Variants in TACC1 observed in about 807,000 individuals in gnomAD.
TACC1 encodes the protein transforming acidic coiled-coil containing protein 1.
TACC1 carries 48 observed loss-of-function variants against 84.4 expected under a neutral mutation model. The observed-to-expected ratio is 0.57, with a 90% CI of 0.45 to 0.72. The LOEUF is 0.72. Among genes scored for constraint, TACC1 ranks in the 30% least tolerant of loss-of-function variants. The pLI, the probability that TACC1 is intolerant of heterozygous loss-of-function variation, is 0.00. For missense variants in TACC1, 920 were observed against 973.0 expected, an observed-to-expected ratio of 0.95 and a Z score of 0.72; for synonymous variants, 372 against 376.3, an observed-to-expected ratio of 0.99 and a Z score of 0.13.
At chr8:38,794,462 C>T (rs986097605) in intron 2 of TACC1, among the ~76,000 whole-genome samples, 11 of 151,968 alleles carry the variant, frequency 7.2e-5, no homozygotes, top group African/African-American at 1.5e-4. Context: ...AATGTAACTT[C>T]GGGTGTATGA....
chr8:38,744,415 C>T (rs1439210162), intron 2 of TACC1, among the ~76,000 whole-genome samples: 1 of 151,962 alleles, frequency 6.6e-6, no homozygotes, highest in Non-Finnish European at 1.5e-5. Context: ...CGCACCGAGC[C>T]TGACACTTCT....
chr8:38,760,753 C>T (rs1438419082), intron 3 of TACC1, among the ~76,000 whole-genome samples: 3 of 152,120 alleles, frequency 2.0e-5, no homozygotes, highest in African/African-American at 7.2e-5. Context: ...AACTCCTGAC[C>T]TCAAATGATC....
At chr8:38,824,708 C>T (rs1021748297) in intron 3 of TACC1, 1 of 152,832 alleles carries the variant, frequency 6.5e-6, no homozygotes, top group African/African-American at 2.4e-5. Flanking sequence ...TCCCCAGTTT[C>T]AGGCTTTGTG....
intron 9 of TACC1, 91 bp downstream of exon 9, chr8:38,840,358 A>G: frequency 8.4e-7 from 1 of 1,196,828 alleles, no homozygotes; most frequent in East Asian, 2.4e-5. Context: ...TAAGCTAGGT[A>G]GCTTATAAAC....
chr8:38,753,905 TTTTC>T lies in TACC1; in HGVS notation c.26+8435_26+8438del, dbSNP rs9298641. Reference sequence around the variant, plus strand: ...AGGCTTCACTCTTTCCTCTTTTTCTTTTTCTTTCTTTCTTTCTTTCTTTCTTCTT... The same window carrying T: ...AGGCTTCACTCTTTCCTCTTTTTCTTTTTCTTTCTTTCTTTCTTTCTTCTT... On this transcript the variant is annotated intron_variant, in intron 3 of 14. Transcript: ENST00000518415. Among the ~76,000 whole-genome samples the T allele has an allele frequency of 2.9e-3, 360 of 124,600 alleles. 9 individuals carry two copies. The highest frequency in any genetic ancestry group is 4.7e-3 in the Non-Finnish European group (271 of 57,504). 81.7% of individuals were successfully genotyped at this position (124,600 alleles called of 152,430 possible).
rs1832722393 is a variant in TACC1, at chr8:38,848,743, G to C, written c.*720G>C. ...TTTTCATATCTGGAGAAGACTATTTGCCATGACGTTTTGTTGCCCTGGTAT... is the reference window on the plus strand; with the variant it reads ...TTTTCATATCTGGAGAAGACTATTTCCCATGACGTTTTGTTGCCCTGGTAT... On this transcript the variant is annotated 3_prime_UTR_variant, in exon 13 of 13. Transcript: ENST00000317827. 6.6e-6 allele frequency: 1 copy of C among 152,326 alleles called. No individual in the cohort carries two copies. The highest frequency in any genetic ancestry group is 1.5e-5 in the Non-Finnish European group (1 of 68,058). 9.4% of individuals were successfully genotyped at this position (152,326 alleles called of 1,614,324 possible).
At chr8:38,779,904 G>A (rs893618542) in intron 3 of TACC1, among the ~76,000 whole-genome samples, 3 of 152,202 alleles carry the variant, frequency 2.0e-5, no homozygotes, top group Admixed American at 2.0e-4. Flanking sequence ...AAAGTGTAGT[G>A]TCTAACACAT....
At chr8:38,782,688 T>C (rs1178985842), upstream of TACC1, among the ~76,000 whole-genome samples, 1 of 152,208 alleles carries the variant, frequency 6.6e-6, no homozygotes, top group Non-Finnish European at 1.5e-5. Context: ...GTAAATACAA[T>C]AGTGTTGTTT....
chr8:38,825,970 T>C (rs560163375), intron 4 of TACC1, among the ~76,000 whole-genome samples: 1 of 152,356 alleles, frequency 6.6e-6, no homozygotes, highest in Non-Finnish European at 1.5e-5. Flanking sequence ...TGACCTTTGT[T>C]ACATTCTAGC....
intron 8 of TACC1, 144 bp from the exon 9 acceptor site, chr8:38,840,079 AG>A (rs758010266): frequency 2.1e-4 from 67 of 316,712 alleles, no homozygotes; most frequent in African/African-American, 5.7e-4. Flanking sequence ...AAAAAAAAAA[AG>A]ATAACGAGAG....
upstream of TACC1, chr8:38,785,574 C>A: frequency 2.1e-6 from 1 of 473,008 alleles, no homozygotes; most frequent in Non-Finnish European, 2.8e-6. Flanking sequence ...TCAGTCACCA[C>A]AGGGATGCAA....
chr8:38,787,204 A>G (rs1230816663), upstream of TACC1: 2 of 989,974 alleles, frequency 2.0e-6, no homozygotes, highest in Non-Finnish European at 2.4e-6. Flanking sequence ...CTCCGGCGGC[A>G]GCTGATGCGC....
chr8:38,787,580 C>T lies in TACC1; in HGVS notation c.-3C>T, dbSNP rs1474692003. On this transcript the variant is annotated 5_prime_UTR_variant, in exon 1 of 13. Coordinates refer to ENST00000317827, the MANE Select transcript of TACC1 (RefSeq NM_006283.3). ...AGGAGCTGGAGCCGGAGGAGCCGCG[C>T]TCATGGCGTTCAGCCCGTGGCAGAT... 4 of 1,539,416 alleles carry T rather than the reference C, an allele frequency of 2.6e-6. No homozygotes were observed. In the South Asian group the frequency reaches 3.6e-5, roughly 14 times the overall value.
chr8:38,843,579 T>G (rs1475617094), intron 11 of TACC1, 184 bp downstream of exon 11: 3 of 369,754 alleles, frequency 8.1e-6, no homozygotes, highest in Non-Finnish European at 1.5e-5. Context: ...TGCTCCTGCC[T>G]CCTTCCACTG....
At chr8:38,755,887 T>A (rs1482414403) in intron 3 of TACC1, among the ~76,000 whole-genome samples, 1 of 151,908 alleles carries the variant, frequency 6.6e-6, no homozygotes, top group Non-Finnish European at 1.5e-5. Context: ...CGATCTCGGC[T>A]CACTGCAACC....
At position 38,849,616 on chromosome 8, in the gene TACC1, T is replaced by G. The variant is rs1041796513; in HGVS notation, c.*1593T>G. On this transcript the variant is annotated 3_prime_UTR_variant, in exon 13 of 13. Coordinates refer to ENST00000317827, the MANE Select transcript of TACC1 (RefSeq NM_006283.3). ...AAATGAATTATTCTTTAGCAGTGTATTACTCACATGGGTGCAATCTTTAGC... is the reference window on the plus strand; with the variant it reads ...AAATGAATTATTCTTTAGCAGTGTAGTACTCACATGGGTGCAATCTTTAGC... The G allele has an allele frequency of 6.6e-6, 1 of 152,342 alleles. No individual in the cohort carries two copies. The highest frequency in any genetic ancestry group is 1.5e-5 in the Non-Finnish European group (1 of 68,042). 9.4% of individuals were successfully genotyped at this position (152,342 alleles called of 1,614,324 possible).
At position 38,788,782 on chromosome 8, in the gene TACC1, A is replaced by G. The variant is rs1817937470; in HGVS notation, c.240A>G (p.Pro80=). Residue 80 remains proline, a synonymous_variant, in exon 2 of 13, where the codon CCA becomes CCG. Coordinates refer to ENST00000317827, the MANE Select transcript of TACC1 (RefSeq NM_006283.3). ...IRSPFKESCD[P]SLGLAGPGAK... is the part of the protein sequence containing the mutation. The stretch of plus-strand genomic sequence containing the variant: ...CACCTTTCAAGGAGTCCTGTGATCC[A>G]TCACTCGGATTGGCAGGACCTGGGG... 3 of 1,613,590 alleles carry G rather than the reference A, an allele frequency of 1.9e-6. No homozygotes were observed. Among genetic ancestry groups the G allele is most frequent in the African/African-American group, 2.7e-5 (2 of 74,922 alleles).
rs756859243 is a variant in TACC1 at position 38,827,350 on chromosome 8, T to C, written c.1635T>C (p.Asn545=). The change falls in exon 5 of 13, where the codon AAT becomes AAC. Residue 545 remains asparagine (N), a synonymous_variant. Coordinates refer to ENST00000317827, the MANE Select transcript of TACC1 (RefSeq NM_006283.3). ...ECSNVPVSTI[N]HAFSSSEAGI... ...CCAATGTTCCTGTGTCTACCATAAA[T>C]CATGCGTTTTCATCCTCAGAAGCAG... 133 of 1,614,080 alleles carry C rather than the reference T, an allele frequency of 8.2e-5. No individual in the cohort carries two copies. The highest frequency in any genetic ancestry group is 1.1e-4 in the Non-Finnish European group (131 of 1,180,042).
intron 2 of TACC1, among the ~76,000 whole-genome samples, chr8:38,818,668 G>C (rs1288347875): frequency 1.3e-5 from 2 of 151,844 alleles, no homozygotes; most frequent in Non-Finnish European, 2.9e-5. Flanking sequence ...TTTCTTATTT[G>C]GTTCTTTTAG....
Sources: allele counts gnomAD v4.1 joint callset (sites outside exome capture counted in the v4.1 genomes callset), GRCh38; gene constraint gnomAD v4.1.1; transcripts MANE v1.5; gene names NCBI Gene and HGNC (gene_info 2026-07-23, HGNC 2026-07-21).